DOK6: variants seen among roughly 807,000 people sequenced by gnomAD.
DOK6 encodes the protein downstream of tyrosine kinase 6.
DOK6 carries 22 observed loss-of-function variants against 44.0 expected under a neutral mutation model. That is an observed-to-expected ratio of 0.50 (90% CI 0.36 to 0.71). DOK6 has a LOEUF of 0.71. Among genes scored for constraint, DOK6 ranks in the 30% least tolerant of loss-of-function variants. The probability of loss-of-function intolerance (pLI) is 0.00; values close to 1 mark genes in which losing one functional copy is unlikely to be tolerated. For synonymous variants in DOK6, 166 were observed against 145.5 expected (o/e 1.14, Z -1.01); for missense variants, 340 against 416.4 (o/e 0.82, Z 1.60).
At chr18:69,553,502 A>C (rs1179668736) in intron 1 of DOK6, among the ~76,000 whole-genome samples, 1 of 152,194 alleles carries the variant, frequency 6.6e-6, no homozygotes, top group East Asian at 1.9e-4. Context: ...CAAATGCATT[A>C]GAGTTTTCAT....
intron 7 of DOK6, among the ~76,000 whole-genome samples, chr18:69,812,779 G>T (rs1410362247): frequency 6.6e-6 from 1 of 152,086 alleles, no homozygotes; most frequent in East Asian, 1.9e-4. Context: ...AGGTGAAGGG[G>T]AATCAAGGCA....
chr18:69,789,484 A>C (rs2145096175), intron 7 of DOK6, among the ~76,000 whole-genome samples: 1 of 151,934 alleles, frequency 6.6e-6, no homozygotes, highest in Non-Finnish European at 1.5e-5. Flanking sequence ...TGTGTGTGTA[A>C]GTAAAATAAA....
chr18:69,591,175 T>C (rs1268316663), intron 2 of DOK6, among the ~76,000 whole-genome samples: 1 of 152,184 alleles, frequency 6.6e-6, no homozygotes, highest in Non-Finnish European at 1.5e-5. Context: ...CTTGATGAAG[T>C]AGTAAGAAAT....
chr18:69,424,767 G>C (rs556201473), intron 1 of DOK6, among the ~76,000 whole-genome samples: 21 of 152,072 alleles, frequency 1.4e-4, no homozygotes, highest in Admixed American at 1.3e-3. Context: ...CTTATTTCAG[G>C]GTTTGAGTTT....
intron 7 of DOK6, among the ~76,000 whole-genome samples, chr18:69,801,084 ATTTTGTTTTGTTTTGTTTTGTTTTG>A (rs60596554): frequency 3.2e-4 from 46 of 142,760 alleles, no homozygotes; most frequent in South Asian, 2.1e-3. Flanking sequence ...CTTTACTTTG[ATTTTGTTTTGTTTTGTTTTGTTTTG>A]TTTTGTTTTG....
chr18:69,801,471 C>T (rs765555011), intron 7 of DOK6, among the ~76,000 whole-genome samples: 47 of 152,170 alleles, frequency 3.1e-4, no homozygotes, highest in Admixed American at 9.2e-4. Context: ...AAAACAGCCA[C>T]GTAAGTAGTT....
intron 1 of DOK6, among the ~76,000 whole-genome samples, chr18:69,422,249 C>A (rs562171546): frequency 6.6e-6 from 1 of 152,308 alleles, no homozygotes; most frequent in Admixed American, 6.5e-5. Context: ...AAAATCTTAT[C>A]CTCTTTCCCA....
chr18:69,826,932 A>G (rs1981758228), intron 7 of DOK6, among the ~76,000 whole-genome samples: 1 of 152,184 alleles, frequency 6.6e-6, no homozygotes, highest in South Asian at 2.1e-4. Flanking sequence ...CTAGAGGATT[A>G]TAATTTGCTG....
intron 4 of DOK6, among the ~76,000 whole-genome samples, chr18:69,678,309 G>T (rs572651335): frequency 1.8e-4 from 28 of 152,250 alleles, no homozygotes; most frequent in African/African-American, 5.8e-4. Context: ...TCCCACAATG[G>T]TGTAACAACT....
At chr18:69,538,055 A>G (rs569926880) in intron 1 of DOK6, among the ~76,000 whole-genome samples, 5 of 152,182 alleles carry the variant, frequency 3.3e-5, no homozygotes, top group Non-Finnish European at 7.4e-5. Flanking sequence ...CATGCAAAAA[A>G]TATTGTAAAG....
chr18:69,711,632 T>C (rs530070898), intron 5 of DOK6, among the ~76,000 whole-genome samples: 17 of 152,340 alleles, frequency 1.1e-4, no homozygotes, highest in African/African-American at 3.8e-4. Context: ...CTTTGACATT[T>C]GTTTGTCCAA....
chr18:69,583,976 C>T (rs536300733), intron 2 of DOK6, among the ~76,000 whole-genome samples: 318 of 151,444 alleles, frequency 2.1e-3, no homozygotes, highest in African/African-American at 7.3e-3. Flanking sequence ...GGCGTGGTGG[C>T]GGGCGCCTGT....
chr18:69,590,424 G>A (rs1017233290), intron 2 of DOK6, among the ~76,000 whole-genome samples: 14 of 152,060 alleles, frequency 9.2e-5, no homozygotes, highest in Admixed American at 3.3e-4. Context: ...AGAAATATGC[G>A]AGATCAGCAT....
chr18:69,525,016 T>C (rs924840453), intron 1 of DOK6, among the ~76,000 whole-genome samples: 2 of 151,826 alleles, frequency 1.3e-5, no homozygotes, highest in African/African-American at 4.8e-5. Context: ...TATTAGTATA[T>C]AAATGAATAT....
chr18:69,515,455 T>C (rs1253627957), intron 1 of DOK6, among the ~76,000 whole-genome samples: 7 of 152,228 alleles, frequency 4.6e-5, no homozygotes, highest in Non-Finnish European at 1.0e-4. Flanking sequence ...TTGTTTTCCT[T>C]TGTTTCTGGG....
At chr18:69,451,675 C>T (rs1026064279) in intron 1 of DOK6, among the ~76,000 whole-genome samples, 1 of 78,578 alleles carries the variant, frequency 1.3e-5, no homozygotes, top group Non-Finnish European at 2.4e-5. Context: ...AAGCTCTCCT[C>T]AGCAAATGTA....
chr18:69,483,850 G>C (rs1449522816), intron 1 of DOK6: 1 of 152,054 alleles, frequency 6.6e-6, no homozygotes, highest in Non-Finnish European at 1.5e-5. Flanking sequence ...TCTCATACTG[G>C]TTGTGGCATC....
chr18:69,492,138 G>A (rs916603394), intron 1 of DOK6, among the ~76,000 whole-genome samples: 8 of 152,084 alleles, frequency 5.3e-5, no homozygotes, highest in South Asian at 2.1e-4. Flanking sequence ...GATAAACAAC[G>A]CATGTAAAAA....
chr18:69,782,506 C>G (rs971406471), intron 7 of DOK6, among the ~76,000 whole-genome samples: 9 of 152,008 alleles, frequency 5.9e-5, no homozygotes, highest in African/African-American at 1.9e-4. Context: ...CCACCGCACT[C>G]GGCCGTGTTC....
Sources: allele counts gnomAD v4.1 joint callset (sites outside exome capture counted in the v4.1 genomes callset), GRCh38; gene constraint gnomAD v4.1.1; transcripts MANE v1.5; gene names NCBI Gene and HGNC (gene_info 2026-07-23, HGNC 2026-07-21).